Variants in SPAG16 observed in about 807,000 individuals in gnomAD.
SPAG16 encodes the protein sperm associated antigen 16.
SPAG16 carries 86 observed loss-of-function variants against 80.4 expected under a neutral mutation model. That is an observed-to-expected ratio of 1.07 (90% CI 0.90 to 1.28). SPAG16 has a LOEUF of 1.28. Among genes scored for constraint, SPAG16 ranks in the 50% most tolerant of loss-of-function variants. The pLI is 0.00. For missense variants in SPAG16, 870 were observed against 765.3 expected (o/e 1.14, Z -1.61); for synonymous variants, 294 against 265.9 (o/e 1.11, Z -1.03).
chr2:213,836,616 T>G (rs1253179218), intron 10 of SPAG16, among the ~76,000 whole-genome samples: 2 of 152,100 alleles, frequency 1.3e-5, no homozygotes, highest in Non-Finnish European at 2.9e-5. Context: ...TTTTATTTTT[T>G]ATTTTTTTAT....
At chr2:213,524,136 C>T (rs1414967745) in intron 10 of SPAG16, among the ~76,000 whole-genome samples, 1 of 152,158 alleles carries the variant, frequency 6.6e-6, no homozygotes, top group African/African-American at 2.4e-5. Flanking sequence ...TGCCTTGTGT[C>T]CCAGCTGCTC....
chr2:213,733,412 G>A (rs1047060717), intron 10 of SPAG16, among the ~76,000 whole-genome samples: 1 of 151,864 alleles, frequency 6.6e-6, no homozygotes, highest in Non-Finnish European at 1.5e-5. Flanking sequence ...CAATAAAGGT[G>A]GGGGAAAGTG....
At chr2:214,396,757 A>G (rs1277209583) in intron 15 of SPAG16, among the ~76,000 whole-genome samples, 1 of 152,074 alleles carries the variant, frequency 6.6e-6, no homozygotes, top group African/African-American at 2.4e-5. Flanking sequence ...TTATGTTCTT[A>G]TATATTATTT....
intron 11 of SPAG16, among the ~76,000 whole-genome samples, chr2:213,886,172 C>G (rs1173830032): frequency 6.6e-6 from 1 of 152,004 alleles, no homozygotes; most frequent in Non-Finnish European, 1.5e-5. Flanking sequence ...ATCTTATGAC[C>G]TACAGTCAAA....
intron 15 of SPAG16, among the ~76,000 whole-genome samples, chr2:214,168,438 G>C (rs2056747909): frequency 6.6e-6 from 1 of 152,012 alleles, no homozygotes; most frequent in African/African-American, 2.4e-5. Flanking sequence ...TGTTTACACA[G>C]AGAAGCAGAA....
chr2:214,205,271 T>C (rs1387745790), intron 15 of SPAG16, among the ~76,000 whole-genome samples: 2 of 151,724 alleles, frequency 1.3e-5, no homozygotes, highest in Admixed American at 6.6e-5. Context: ...ATACAACATA[T>C]GAAGGGAAAA....
At chr2:213,776,826 A>ACCCCCCCCCC (rs140864608) in intron 10 of SPAG16, among the ~76,000 whole-genome samples, 3 of 107,552 alleles carry the variant, frequency 2.8e-5, no homozygotes, top group Admixed American at 1.0e-4. Flanking sequence ...GTTCTATGCC[A>ACCCCCCCCCC]CCCCCCCCCC....
chr2:214,325,722 AG>A (rs769731166), intron 15 of SPAG16, among the ~76,000 whole-genome samples: 9 of 42,778 alleles, frequency 2.1e-4, no homozygotes, highest in Non-Finnish European at 4.7e-4. Context: ...ATTATTGATT[AG>A]CTTTTTTTTT....
intron 13 of SPAG16, among the ~76,000 whole-genome samples, chr2:214,105,700 A>G (rs546167535): frequency 1.3e-5 from 2 of 152,196 alleles, no homozygotes; most frequent in South Asian, 4.1e-4. Flanking sequence ...AAAGACAACT[A>G]TTCTGACAAG....
intron 10 of SPAG16, among the ~76,000 whole-genome samples, chr2:213,844,881 T>C (rs2074536108): frequency 1.3e-5 from 2 of 152,234 alleles, no homozygotes; most frequent in Non-Finnish European, 2.9e-5. Flanking sequence ...ATGGTAAAAT[T>C]ATTTTGCATA....
intron 15 of SPAG16, among the ~76,000 whole-genome samples, chr2:214,357,804 G>A (rs948672019): frequency 1.3e-5 from 2 of 151,752 alleles, no homozygotes; most frequent in Non-Finnish European, 1.5e-5. Flanking sequence ...TTTGAGAACT[G>A]GATTTAAAGA....
intron 13 of SPAG16, among the ~76,000 whole-genome samples, chr2:214,092,119 C>T (rs1024707738): frequency 3.9e-5 from 6 of 152,010 alleles, no homozygotes. Flanking sequence ...GAGTTTATGT[C>T]AAAATTATTT....
At chr2:213,347,002 A>G (rs2065033258) in intron 6 of SPAG16, among the ~76,000 whole-genome samples, 2 of 152,092 alleles carry the variant, frequency 1.3e-5, no homozygotes, top group South Asian at 2.1e-4. Context: ...TCGGCTGTGA[A>G]TCCTTCTGGT....
intron 15 of SPAG16, among the ~76,000 whole-genome samples, chr2:214,389,444 C>G (rs1700943413): frequency 6.6e-6 from 1 of 152,166 alleles, no homozygotes; most frequent in South Asian, 2.1e-4. Context: ...GTAGTTCTAG[C>G]CTCAGCTCCA....
At chr2:213,699,348 C>G (rs1337007885) in intron 10 of SPAG16, among the ~76,000 whole-genome samples, 1 of 152,172 alleles carries the variant, frequency 6.6e-6, no homozygotes, top group Admixed American at 6.5e-5. Context: ...GGATCTGCTT[C>G]TTAGTTTTCA....
intron 4 of SPAG16, 37 bp from the exon 5 acceptor site, chr2:213,317,182 G>T: frequency 7.3e-7 from 1 of 1,374,626 alleles, no homozygotes; most frequent in East Asian, 2.3e-5. Context: ...TTGGCAGAAA[G>T]AAATGATATA....
chr2:214,297,802 G>A (rs1240803839), intron 15 of SPAG16, among the ~76,000 whole-genome samples: 1 of 148,008 alleles, frequency 6.8e-6, no homozygotes, highest in Non-Finnish European at 1.5e-5. Context: ...TTTTGCTTAA[G>A]ATTGCTTGGG....
chr2:214,397,627 T>A (rs1281758802), intron 15 of SPAG16, among the ~76,000 whole-genome samples: 1 of 152,122 alleles, frequency 6.6e-6, no homozygotes, highest in African/African-American at 2.4e-5. Flanking sequence ...ACATTGGCAG[T>A]CTATTTAACA....
At chr2:213,843,475 T>C (rs2074463570) in intron 10 of SPAG16, among the ~76,000 whole-genome samples, 1 of 152,204 alleles carries the variant, frequency 6.6e-6, no homozygotes, top group Non-Finnish European at 1.5e-5. Flanking sequence ...AGCCCCAAGA[T>C]TATGAAAGCC....
Sources: allele counts gnomAD v4.1 joint callset (sites outside exome capture counted in the v4.1 genomes callset), GRCh38; gene constraint gnomAD v4.1.1; transcripts MANE v1.5; gene names NCBI Gene and HGNC (gene_info 2026-07-23, HGNC 2026-07-21).